Variants in ANKRD33B observed in about 807,000 individuals in gnomAD.
ANKRD33B encodes the protein ankyrin repeat domain-containing protein 33B.
Under a neutral mutation model 21.5 loss-of-function variants are expected in ANKRD33B, and 6 were observed. The observed-to-expected ratio is 0.28, with a 90% CI of 0.15 to 0.55. ANKRD33B has a LOEUF of 0.55. Ranked by LOEUF, ANKRD33B falls within the 20% of genes least tolerant of loss-of-function variation. ANKRD33B has a pLI of 0.94. For synonymous variants in ANKRD33B, 347 were observed against 342.4 expected, an observed-to-expected ratio of 1.01 and a Z score of -0.15; for missense variants, 698 against 747.2, an observed-to-expected ratio of 0.93 and a Z score of 0.77.
chr5:10,635,189 C>T (rs1469264487), intron 2 of ANKRD33B, among the ~76,000 whole-genome samples: 1 of 152,212 alleles, frequency 6.6e-6, no homozygotes, highest in Non-Finnish European at 1.5e-5. Context: ...GAACATCCTG[C>T]AGAAGATTGT....
intron 3 of ANKRD33B, among the ~76,000 whole-genome samples, chr5:10,638,447 A>G (rs770850407): frequency 1.3e-5 from 2 of 151,998 alleles, no homozygotes; most frequent in Non-Finnish European, 2.9e-5. Flanking sequence ...CACCCGTTCT[A>G]CACCCCAAGT....
intron 2 of ANKRD33B, among the ~76,000 whole-genome samples, chr5:10,634,708 G>A (rs964987388): frequency 4.6e-5 from 7 of 151,300 alleles, no homozygotes; most frequent in African/African-American, 1.7e-4. Context: ...TGCCTGCCTT[G>A]GCCTCCCAAA....
intron 2 of ANKRD33B, among the ~76,000 whole-genome samples, chr5:10,625,502 C>T (rs1736524341): frequency 6.6e-6 from 1 of 152,114 alleles, no homozygotes; most frequent in Non-Finnish European, 1.5e-5. Flanking sequence ...TCTAGAAGCT[C>T]CTGCTGTGTC....
intron 2 of ANKRD33B, among the ~76,000 whole-genome samples, chr5:10,632,925 T>A (rs1417725682): frequency 1.3e-5 from 2 of 149,026 alleles, no homozygotes; most frequent in Admixed American, 1.3e-4. Flanking sequence ...GTAGCTGGGA[T>A]TACAGGCACC....
chr5:10,607,678 C>T (rs1398762413), intron 1 of ANKRD33B, among the ~76,000 whole-genome samples: 2 of 152,210 alleles, frequency 1.3e-5, no homozygotes. Context: ...GAATCTTCCT[C>T]CTGTGCATGC....
intron 3 of ANKRD33B, among the ~76,000 whole-genome samples, chr5:10,640,764 C>A (rs1201130413): frequency 3.3e-5 from 5 of 152,230 alleles, no homozygotes; most frequent in Non-Finnish European, 7.3e-5. Flanking sequence ...TAACAAAATA[C>A]CTCACCTGTG....
At chr5:10,579,434 G>T (rs1458023996) in intron 1 of ANKRD33B, among the ~76,000 whole-genome samples, 2 of 151,964 alleles carry the variant, frequency 1.3e-5, no homozygotes, top group East Asian at 3.9e-4. Context: ...GTGCTGAAGG[G>T]ATAATTTTGA....
chr5:10,618,667 G>A (rs998054558), intron 2 of ANKRD33B, among the ~76,000 whole-genome samples: 1 of 152,218 alleles, frequency 6.6e-6, no homozygotes, highest in Non-Finnish European at 1.5e-5. Flanking sequence ...GGCAGATCAA[G>A]CTCCGATACT....
intron 1 of ANKRD33B, among the ~76,000 whole-genome samples, chr5:10,593,643 A>C (rs4702707): frequency 0.88 from 133,721 of 151,808 alleles, 58,949 homozygotes; most frequent in East Asian, 0.94. Flanking sequence ...CTGAGTCTTC[A>C]CCTCTCCAGC....
Position 10,569,068 on chromosome 5 carries a change from C to T in ANKRD33B, c.366+4235C>T, listed in dbSNP as rs2962328. Among the ~76,000 whole-genome samples the T allele has an allele frequency of 5.3e-5, 8 of 152,210 alleles. No homozygotes were observed. The South Asian group carries it at 1.7e-3, about 32-fold the overall frequency. ...TATTTATTTATTTTTTTAATACTTCCGAAAGATTTATAAGCTCCAGAATCA... is the reference window on the plus strand; with the variant it reads ...TATTTATTTATTTTTTTAATACTTCTGAAAGATTTATAAGCTCCAGAATCA... On this transcript the variant is annotated intron_variant, in intron 1 of 3. Coordinates refer to ENST00000296657, the MANE Select transcript of ANKRD33B (RefSeq NM_001164440.2).
chr5:10,637,936 CAG>C, intron 2 of ANKRD33B, 90 bp from the exon 3 acceptor site: 1 of 1,415,440 alleles, frequency 7.1e-7, no homozygotes, highest in Non-Finnish European at 9.5e-7. Flanking sequence ...AGGGCTGACT[CAG>C]TGTTTCTTTC....
chr5:10,607,534 A>G (rs2126573678), intron 1 of ANKRD33B, among the ~76,000 whole-genome samples: 1 of 152,388 alleles, frequency 6.6e-6, no homozygotes, highest in African/African-American at 2.4e-5. Context: ...AGGAAGAAAT[A>G]GATAACGGAA....
At chr5:10,605,387 T>C (rs1358475533) in intron 1 of ANKRD33B, among the ~76,000 whole-genome samples, 6 of 152,194 alleles carry the variant, frequency 3.9e-5, no homozygotes, top group Admixed American at 3.9e-4. Context: ...TTGTGAATAT[T>C]AGAAGTACAG....
intron 1 of ANKRD33B, among the ~76,000 whole-genome samples, chr5:10,594,546 T>G (rs1735777935): frequency 6.6e-6 from 1 of 152,122 alleles, no homozygotes; most frequent in Admixed American, 6.5e-5. Flanking sequence ...CTACTTGTTA[T>G]TCCCTTCGTG....
intron 1 of ANKRD33B, among the ~76,000 whole-genome samples, chr5:10,589,387 C>A (rs373867278): frequency 1.3e-4 from 20 of 152,202 alleles, no homozygotes; most frequent in African/African-American, 4.3e-4. Context: ...CACCTGACTA[C>A]ACCAAGCCTC....
In ANKRD33B at chr5:10,639,150, G is replaced by A. The variant is rs561387386; in HGVS notation, c.637+982G>A. ...ATGTTAGCGGGTGACGCGGAGTTGC[G>A]CGGCGATGTTAGCGGGTGACGCGGC... On this transcript the variant is annotated intron_variant, in intron 3 of 3. Coordinates refer to ENST00000296657, the MANE Select transcript of ANKRD33B (RefSeq NM_001164440.2). 8.8e-4 allele frequency among the ~76,000 whole-genome samples: 49 copies of A among 55,790 alleles called. 1 individual carries two copies. Among genetic ancestry groups the A allele is most frequent in the Admixed American group, 8.7e-3 (48 of 5,494 alleles). The allele number at this position is 55,790 out of a possible 152,430, so 36.6% of individuals were successfully genotyped here.
At chr5:10,630,559 C>G (rs1457237007) in intron 2 of ANKRD33B, among the ~76,000 whole-genome samples, 1 of 152,100 alleles carries the variant, frequency 6.6e-6, no homozygotes, top group Non-Finnish European at 1.5e-5. Context: ...AATCAACTTG[C>G]AAAAGGCAGG....
At chr5:10,571,899 T>TG (rs1238201468) in intron 1 of ANKRD33B, among the ~76,000 whole-genome samples, 1 of 151,126 alleles carries the variant, frequency 6.6e-6, no homozygotes, top group Non-Finnish European at 1.5e-5. Context: ...TTTCTTTTTT[T>TG]TTTTTTGAGA....
chr5:10,601,977 G>A (rs967687119), intron 1 of ANKRD33B, among the ~76,000 whole-genome samples: 5 of 152,246 alleles, frequency 3.3e-5, no homozygotes, highest in African/African-American at 1.2e-4. Context: ...AGGGAGTGCT[G>A]TAGGCATCCA....
Sources: gnomAD v4.1 joint callset for allele counts (sites outside exome capture counted in the v4.1 genomes callset) on GRCh38, gnomAD v4.1.1 for gene constraint, MANE v1.5 for transcripts, NCBI Gene and HGNC (gene_info 2026-07-23, HGNC 2026-07-21) for gene names.